FAM237A: variants seen among roughly 807,000 people sequenced by gnomAD.
FAM237A encodes protein FAM237A.
FAM237A carries 14 observed loss-of-function variants against 12.5 expected under a neutral mutation model. The observed-to-expected ratio is 1.12, with a 90% CI of 0.74 to 1.75. The LOEUF (loss-of-function observed/expected upper bound fraction) is 1.75. Among genes scored for constraint, FAM237A ranks in the 40% most tolerant of loss-of-function variants. The pLI, the probability that FAM237A is intolerant of heterozygous loss-of-function variation, is 0.00. For synonymous variants in FAM237A, 85 were observed against 77.5 expected (o/e 1.10, Z -0.51); for missense variants, 240 against 211.7 (o/e 1.13, Z -0.83).
chr2:206,644,018 G>C (rs551898322), intron 1 of FAM237A, among the ~76,000 whole-genome samples: 1 of 152,132 alleles, frequency 6.6e-6, no homozygotes, highest in Non-Finnish European at 1.5e-5. Flanking sequence ...TGGCCTGACC[G>C]TCTTGGATTT....
intron 2 of FAM237A, among the ~76,000 whole-genome samples, chr2:206,647,497 C>A (rs1699331118): frequency 6.6e-6 from 1 of 152,086 alleles, no homozygotes; most frequent in Non-Finnish European, 1.5e-5. Context: ...TCTAGAAAGG[C>A]ATGGGCTAAT....
intron 1 of FAM237A, among the ~76,000 whole-genome samples, chr2:206,643,083 A>G (rs1699274065): frequency 6.6e-6 from 1 of 152,238 alleles, no homozygotes; most frequent in African/African-American, 2.4e-5. Flanking sequence ...TGAAATATTT[A>G]TTTAACAGTA....
chr2:206,644,324 C>A lies in FAM237A; in HGVS notation c.88C>A (p.Pro30Thr). Residue 30 changes from proline to threonine, a missense_variant, in exon 2 of 3, where the codon CCT (proline) becomes ACT (threonine). Pro to Thr is a conservative substitution (Grantham distance 38). Transcript: ENST00000441223. ...LLIVGMCCVSPFFCHSQTDLL... is the reference protein window; with the variant it reads ...LLIVGMCCVSTFFCHSQTDLL... ...CATTGTGGGAATGTGCTGTGTATCTCCTTTCTTCTGCCATAGCCAGACAGA... is the reference window on the plus strand; with the variant it reads ...CATTGTGGGAATGTGCTGTGTATCTACTTTCTTCTGCCATAGCCAGACAGA... 1 of 1,613,492 alleles carries A rather than the reference C, an allele frequency of 6.2e-7. No homozygotes were observed. Among genetic ancestry groups the A allele is most frequent in the African/African-American group, 1.3e-5 (1 of 75,056 alleles).
chr2:206,648,758 C>T lies in FAM237A; in HGVS notation c.510C>T (p.Val170=). ...ATGTGCGTAGGAGTGGGTCTAGTGT[C>T]ATTGGAAAAGTGAACCTGGAAATAA... ...SMHVRRSGSS[V]IGKVNLEIKR... is the part of the protein sequence containing the mutation. The change falls in exon 3 of 3, where the codon GTC becomes GTT. Residue 170 remains valine (V), a synonymous_variant. Transcript: ENST00000441223. 1.3e-6 allele frequency: 2 copies of T among 1,546,370 alleles called. No individual in the cohort carries two copies. The highest frequency in any genetic ancestry group is 1.7e-6 in the Non-Finnish European group (2 of 1,144,820).
chr2:206,648,928 A>G lies in FAM237A; in HGVS notation c.*134A>G, dbSNP rs368660400. 7 of 594,422 alleles carry G rather than the reference A, an allele frequency of 1.2e-5. No individual in the cohort carries two copies. The highest frequency in any genetic ancestry group is 8.0e-5 in the East Asian group (2 of 25,094). 36.8% of individuals were successfully genotyped at this position (594,422 alleles called of 1,614,324 possible). On this transcript the variant is annotated 3_prime_UTR_variant, in exon 3 of 3. Coordinates refer to ENST00000441223, the MANE Select transcript of FAM237A (RefSeq NM_001102659.3). Reference sequence around the variant, plus strand: ...AAATATGAACCCAAATTCTCTCAGTATACTAATTTAAAGCTGCCTTCTATT... The same window carrying G: ...AAATATGAACCCAAATTCTCTCAGTGTACTAATTTAAAGCTGCCTTCTATT...
chr2:206,646,220 G>A (rs1431244181), intron 2 of FAM237A, among the ~76,000 whole-genome samples: 4 of 151,674 alleles, frequency 2.6e-5, no homozygotes, highest in African/African-American at 7.3e-5. Context: ...GGAGAATGGC[G>A]TGAACCCGGG....
chr2:206,647,006 C>T (rs1699325529), intron 2 of FAM237A, among the ~76,000 whole-genome samples: 1 of 152,160 alleles, frequency 6.6e-6, no homozygotes, highest in Non-Finnish European at 1.5e-5. Flanking sequence ...ATTTTGATGT[C>T]TTCAGATCAA....
intron 2 of FAM237A, 70 bp downstream of exon 2, chr2:206,644,718 G>A: frequency 7.1e-7 from 1 of 1,405,538 alleles, no homozygotes; most frequent in South Asian, 1.5e-5. Context: ...TTGTGAGGAA[G>A]AGGGAAATGG....
chr2:206,648,255 G>T (rs1699341875), intron 2 of FAM237A, among the ~76,000 whole-genome samples: 1 of 152,148 alleles, frequency 6.6e-6, no homozygotes, highest in Non-Finnish European at 1.5e-5. Flanking sequence ...CCACGATAGG[G>T]TAGTGGTTAA....
chr2:206,642,919 C>T lies in FAM237A; in HGVS notation c.-11+337C>T, dbSNP rs1161516866. ...AGGAAAACCACCCTTTGAGGTACCTCGATATTTTAGTTCGGAAAGGGACAC... is the reference window on the plus strand; with the variant it reads ...AGGAAAACCACCCTTTGAGGTACCTTGATATTTTAGTTCGGAAAGGGACAC... On this transcript the variant is annotated intron_variant, in intron 1 of 2. Transcript: ENST00000441223. This position sits in a 1 kb window ranked among gnomAD's most constrained non-coding sequence, Gnocchi z 5.1. Among the ~76,000 whole-genome samples the T allele has an allele frequency of 6.6e-6, 1 of 151,966 alleles. No homozygotes were observed. The highest frequency in any genetic ancestry group is 1.5e-5 in the Non-Finnish European group (1 of 68,018).
At chr2:206,645,949 G>T (rs572384731) in intron 2 of FAM237A, among the ~76,000 whole-genome samples, 48 of 147,398 alleles carry the variant, frequency 3.3e-4, no homozygotes, top group Admixed American at 5.4e-4. Flanking sequence ...ACAGACCATG[G>T]TTTTTTTTTT....
At chr2:206,646,724 T>C (rs914290614) in intron 2 of FAM237A, among the ~76,000 whole-genome samples, 8 of 152,246 alleles carry the variant, frequency 5.3e-5, no homozygotes, top group African/African-American at 1.9e-4. Flanking sequence ...AAATACCATG[T>C]CCAACAGTTA....
intron 2 of FAM237A, among the ~76,000 whole-genome samples, chr2:206,646,249 G>C (rs1034434782): frequency 6.6e-6 from 1 of 151,452 alleles, no homozygotes. Flanking sequence ...CTTGCAGTGA[G>C]CCGAGATCGC....
intron 2 of FAM237A, among the ~76,000 whole-genome samples, chr2:206,647,666 C>CACAG (rs1303308418): frequency 2.0e-5 from 3 of 148,372 alleles, no homozygotes; most frequent in African/African-American, 5.0e-5. Context: ...CACACACACA[C>CACAG]AGAGAGAGTG....
chr2:206,647,732 A>G (rs1699335504), intron 2 of FAM237A, among the ~76,000 whole-genome samples: 1 of 151,780 alleles, frequency 6.6e-6, no homozygotes, highest in South Asian at 2.1e-4. Context: ...CAGAATTGAG[A>G]GTAACTCATG....
At chr2:206,644,677 GA>G (rs772495334) in intron 2 of FAM237A, 29 bp downstream of exon 2, 19 of 1,515,472 alleles carry the variant, frequency 1.3e-5, no homozygotes, top group Non-Finnish European at 1.6e-5. Context: ...CATGTCTTTT[GA>G]AAGGGTCAAT....
In FAM237A at chr2:206,648,819, C is replaced by T. The variant is rs1699350531; in HGVS notation, c.*25C>T. The T allele has an allele frequency of 6.7e-7, 1 of 1,497,476 alleles. No homozygotes were observed. Among genetic ancestry groups the T allele is most frequent in the African/African-American group, 1.4e-5 (1 of 70,834 alleles). The allele number at this position is 1,497,476 out of a possible 1,614,324, so 92.8% of individuals were successfully genotyped here. A position where few individuals can be genotyped will look rare whatever the true frequency, so the allele number is the denominator to read the frequency against. ...AATTGAACTCGGAGCTAATTCATGC[C>T]TTGGAATTAAATATACATATATATA... On this transcript the variant is annotated 3_prime_UTR_variant, in exon 3 of 3. Coordinates refer to ENST00000441223, the MANE Select transcript of FAM237A (RefSeq NM_001102659.3).
chr2:206,643,860 A>G (rs996786374), intron 1 of FAM237A, among the ~76,000 whole-genome samples: 1 of 152,236 alleles, frequency 6.6e-6, no homozygotes, highest in Non-Finnish European at 1.5e-5. Flanking sequence ...TCGCTAAGAT[A>G]TTATGGAATA....
intron 2 of FAM237A, among the ~76,000 whole-genome samples, chr2:206,645,060 C>T (rs551739412): frequency 6.6e-6 from 1 of 152,310 alleles, no homozygotes; most frequent in East Asian, 1.9e-4. Context: ...GCTTAGGAAA[C>T]ATTTGCAGCA....
Sources: gnomAD v4.1 joint callset for allele counts (sites outside exome capture counted in the v4.1 genomes callset) on GRCh38, gnomAD v4.1.1 for gene constraint, Gnocchi (gnomAD v3.1) non-coding constraint, MANE v1.5 for transcripts, NCBI Gene and HGNC (gene_info 2026-07-23, HGNC 2026-07-21) for gene names.